The following ATXN2 variants were observed in gnomAD, a reference collection of about 807,000 sequenced individuals.
ATXN2 encodes ataxin 2, also known as ataxin-2.
In ATXN2, 37 loss-of-function variants were observed where a neutral mutation model predicts 138.6. The observed-to-expected ratio is 0.27, with a 90% CI of 0.21 to 0.35. The LOEUF (loss-of-function observed/expected upper bound fraction) is 0.35. Among genes scored for constraint, ATXN2 ranks in the 10% least tolerant of loss-of-function variants. The pLI is 1.00. For synonymous variants in ATXN2, 549 were observed against 543.7 expected (o/e 1.01, Z -0.13); for missense variants, 1,216 against 1,480.3 (o/e 0.82, Z 2.93).
At chr12:111,479,750 T>C (rs1404850373) in intron 18 of ATXN2, among the ~76,000 whole-genome samples, 1 of 151,682 alleles carries the variant, frequency 6.6e-6, no homozygotes, top group African/African-American at 2.4e-5. Flanking sequence ...CTATCATTAG[T>C]GTTACTGTAT....
chr12:111,463,850 G>C (rs1035647159), intron 21 of ATXN2, among the ~76,000 whole-genome samples: 4 of 152,014 alleles, frequency 2.6e-5, no homozygotes, highest in African/African-American at 9.7e-5. Context: ...GGAGTGGCAC[G>C]ACTTCGGCTC....
At chr12:111,566,046 G>A (rs1325434935) in intron 1 of ATXN2, among the ~76,000 whole-genome samples, 1 of 151,850 alleles carries the variant, frequency 6.6e-6, no homozygotes, top group African/African-American at 2.4e-5. Flanking sequence ...TGATGGGAAT[G>A]TACAAGGACA....
chr12:111,570,818 GTC>G (rs1368524433), intron 1 of ATXN2, among the ~76,000 whole-genome samples: 1 of 152,122 alleles, frequency 6.6e-6, no homozygotes, highest in African/African-American at 2.4e-5. Flanking sequence ...ATTCATCTTT[GTC>G]TCTGTCCTAG....
chr12:111,588,748 T>G (rs1884473947), intron 1 of ATXN2, among the ~76,000 whole-genome samples: 1 of 151,310 alleles, frequency 6.6e-6, no homozygotes, highest in South Asian at 2.1e-4. Flanking sequence ...TCCCAGCACT[T>G]TGGGAAGCCG....
At chr12:111,481,260 C>G (rs1877214583) in intron 18 of ATXN2, among the ~76,000 whole-genome samples, 1 of 152,086 alleles carries the variant, frequency 6.6e-6, no homozygotes, top group African/African-American at 2.4e-5. Flanking sequence ...GCCTGGGAAG[C>G]ACGGAGAAGC....
chr12:111,463,078 A>G (rs545739136), intron 21 of ATXN2, among the ~76,000 whole-genome samples: 2 of 152,234 alleles, frequency 1.3e-5, no homozygotes, highest in East Asian at 3.9e-4. Flanking sequence ...TTAAGGTCAA[A>G]TGCATTTTAA....
At chr12:111,542,537 GCTCAC>G (rs1349804996) in intron 5 of ATXN2, among the ~76,000 whole-genome samples, 2 of 152,206 alleles carry the variant, frequency 1.3e-5, no homozygotes, top group African/African-American at 4.8e-5. Flanking sequence ...CATAACCACA[GCTCAC>G]TGCAGCCTTG....
At position 111,470,658 on chromosome 12, in the gene ATXN2, G is replaced by A; in HGVS notation, c.2609C>T (p.Ala870Val). ...HPASAAGPPIAATPPAYSTQY... is the reference protein window; with the variant it reads ...HPASAAGPPIVATPPAYSTQY... ...CGTGGAGTAAGCTGGTGGGGTGGCT[G>A]CAATCGGTGGGCCCGCTGCTGACGC... The change falls in exon 19 of 25, where the codon GCA becomes GTA. Residue 870 changes from alanine to valine, a missense_variant. By Grantham distance (64) the Ala-to-Val change is moderately conservative (BLOSUM62 0). Coordinates refer to ENST00000673436, the MANE Select transcript of ATXN2 (RefSeq NM_001372574.1). 2 of 1,614,182 alleles carry A rather than the reference G, an allele frequency of 1.2e-6. No individual in the cohort carries two copies. The highest frequency in any genetic ancestry group is 2.2e-5 in the East Asian group (1 of 44,886).
At chr12:111,595,995 C>T (rs1402752827) in intron 1 of ATXN2, among the ~76,000 whole-genome samples, 2 of 152,198 alleles carry the variant, frequency 1.3e-5, no homozygotes, top group East Asian at 1.9e-4. Context: ...GTCAGGAGTT[C>T]GAGACCAGCC....
intron 1 of ATXN2, among the ~76,000 whole-genome samples, chr12:111,573,847 A>C (rs922412425): frequency 6.6e-6 from 1 of 151,226 alleles, no homozygotes; most frequent in East Asian, 1.9e-4. Context: ...CACATCATAG[A>C]TAGCTAAATG....
upstream of ATXN2, chr12:111,599,632 G>T: frequency 9.2e-7 from 1 of 1,081,662 alleles, no homozygotes; most frequent in South Asian, 4.5e-5. Context: ...GGCCGGGAGG[G>T]ACACGTGAGG....
intron 5 of ATXN2, among the ~76,000 whole-genome samples, chr12:111,525,985 A>G (rs537496039): frequency 6.6e-6 from 1 of 151,236 alleles, no homozygotes; most frequent in Non-Finnish European, 1.5e-5. Flanking sequence ...CCCAGCCCAC[A>G]TGAAGCATAT....
intron 5 of ATXN2, among the ~76,000 whole-genome samples, chr12:111,543,662 T>C (rs958141001): frequency 6.6e-6 from 1 of 152,196 alleles, no homozygotes; most frequent in East Asian, 1.9e-4. Context: ...TTCAATGTCA[T>C]GCAGTACAAC....
intron 5 of ATXN2, among the ~76,000 whole-genome samples, chr12:111,551,170 G>A (rs1882096776): frequency 6.6e-6 from 1 of 151,856 alleles, no homozygotes; most frequent in South Asian, 2.1e-4. Context: ...GGTGGCACAC[G>A]CCTGTAGTCC....
chr12:111,453,181 C>T lies in ATXN2; in HGVS notation c.3440-341G>A. 8.8e-7 allele frequency: 1 copy of T among 1,130,702 alleles called. No homozygotes were observed. Among genetic ancestry groups the T allele is most frequent in the African/African-American group, 1.6e-5 (1 of 62,090 alleles). The allele number at this position is 1,130,702 out of a possible 1,614,324, so 70.0% of individuals were successfully genotyped here. A position where few individuals can be genotyped will look rare whatever the true frequency, so the allele number is the denominator to read the frequency against. On this transcript the variant is annotated intron_variant, in intron 24 of 24. Transcript: ENST00000673436. The surrounding 1 kb of genome is among the most constrained non-coding windows in gnomAD (Gnocchi z 5.4). Reference sequence around the variant, plus strand: ...GACTGTGAAGTATCGCCATGGCAGCCATCAAGTAGTAGAGCACAATCACAG... The same window carrying T: ...GACTGTGAAGTATCGCCATGGCAGCTATCAAGTAGTAGAGCACAATCACAG...
At chr12:111,463,403 T>C (rs1019962287) in intron 21 of ATXN2, among the ~76,000 whole-genome samples, 1 of 152,174 alleles carries the variant, frequency 6.6e-6, no homozygotes, top group African/African-American at 2.4e-5. Context: ...CATGGAACTC[T>C]TGTGCCTCCG....
At chr12:111,596,023 T>C (rs73416404) in intron 1 of ATXN2, among the ~76,000 whole-genome samples, 15,609 of 151,942 alleles carry the variant, frequency 0.1, 2,682 homozygotes, top group African/African-American at 0.35. Flanking sequence ...CATGGCAAAA[T>C]CCCGTCCTCA....
intron 1 of ATXN2, among the ~76,000 whole-genome samples, chr12:111,592,805 G>GAAAAAAAAAAAAAA (rs1884741661): frequency 1.8e-5 from 1 of 56,040 alleles, no homozygotes. Flanking sequence ...AAAAAAAAAA[G>GAAAAAAAAAAAAAA]ATAATAGGTG....
intron 20 of ATXN2, among the ~76,000 whole-genome samples, chr12:111,466,515 C>T (rs1876040302): frequency 6.6e-6 from 1 of 152,040 alleles, no homozygotes; most frequent in African/African-American, 2.4e-5. Flanking sequence ...AAAGAGACAT[C>T]AAAGAGATAA....
Sources: gnomAD v4.1 joint callset for allele counts (sites outside exome capture counted in the v4.1 genomes callset) on GRCh38, gnomAD v4.1.1 for gene constraint, Gnocchi (gnomAD v3.1) non-coding constraint, MANE v1.5 for transcripts, NCBI Gene and HGNC (gene_info 2026-07-23, HGNC 2026-07-21) for gene names.